Variants in DCDC2C observed in about 807,000 individuals in gnomAD.
DCDC2C encodes the protein doublecortin domain-containing protein 2C.
In DCDC2C, 44 loss-of-function variants were observed where a neutral mutation model predicts 45.0. The ratio of observed to expected loss-of-function variants is 0.98; its 90% CI spans 0.77 to 1.26. DCDC2C has a LOEUF of 1.26. Among genes scored for constraint, DCDC2C ranks in the 50% most tolerant of loss-of-function variants. The pLI is 0.00. For missense variants in DCDC2C, 447 were observed against 468.9 expected (o/e 0.95, Z 0.43); for synonymous variants, 187 against 178.8 (o/e 1.05, Z -0.37).
At chr2:3,778,019 G>A (rs1211241079) in intron 8 of DCDC2C, among the ~76,000 whole-genome samples, 4 of 146,920 alleles carry the variant, frequency 2.7e-5, no homozygotes, top group Non-Finnish European at 6.0e-5. Context: ...GGAGGCGCCA[G>A]GGCCTCCATC....
chr2:3,835,115 T>A (rs1672043826), intron 10 of DCDC2C, among the ~76,000 whole-genome samples: 1 of 152,224 alleles, frequency 6.6e-6, no homozygotes, highest in Non-Finnish European at 1.5e-5. Flanking sequence ...ATGGAAGTGC[T>A]TCTCCACTTG....
rs150940159 is a variant in DCDC2C at position 3,792,765 on chromosome 2, A to G, written c.1065+7665A>G. Among the ~76,000 whole-genome samples, 1,394 of 152,364 alleles carry G rather than the reference A, an allele frequency of 9.1e-3. 22 individuals carry two copies. The highest frequency in any genetic ancestry group is 0.031 in the African/African-American group (1,281 of 41,588). ...ACTTGGTTACCCTAAATTGACAGCCATATTTTGGAGAAAAATGTGTCTTCT... is the reference window on the plus strand; with the variant it reads ...ACTTGGTTACCCTAAATTGACAGCCGTATTTTGGAGAAAAATGTGTCTTCT... On this transcript the variant is annotated intron_variant, in intron 10 of 10. Transcript: ENST00000399143.
chr2:3,798,999 C>G (rs1208558163), intron 10 of DCDC2C, among the ~76,000 whole-genome samples: 2 of 152,238 alleles, frequency 1.3e-5, no homozygotes, highest in Non-Finnish European at 2.9e-5. Flanking sequence ...CCATCACTTT[C>G]AGGTATACCA....
At chr2:3,754,187 T>C (rs1669619341) in intron 5 of DCDC2C, among the ~76,000 whole-genome samples, 1 of 152,212 alleles carries the variant, frequency 6.6e-6, no homozygotes, top group Non-Finnish European at 1.5e-5. Flanking sequence ...CTGAAGTTCA[T>C]GCAGCTTACA....
chr2:3,748,793 C>G (rs1669450201), intron 4 of DCDC2C, among the ~76,000 whole-genome samples: 1 of 152,114 alleles, frequency 6.6e-6, no homozygotes, highest in Non-Finnish European at 1.5e-5. Flanking sequence ...GACTTGTCAT[C>G]TCTCCTCTAG....
intron 10 of DCDC2C, among the ~76,000 whole-genome samples, chr2:3,812,116 C>A (rs1453137540): frequency 6.6e-6 from 1 of 151,972 alleles, no homozygotes; most frequent in Non-Finnish European, 1.5e-5. Context: ...TGGACTCCCT[C>A]ATTTTCAATT....
chr2:3,821,041 C>CA (rs969775051), intron 10 of DCDC2C, among the ~76,000 whole-genome samples: 9 of 151,896 alleles, frequency 5.9e-5, no homozygotes, highest in African/African-American at 1.9e-4. Flanking sequence ...GGGCTGAGTC[C>CA]AAAAAGAGAG....
intron 4 of DCDC2C, among the ~76,000 whole-genome samples, chr2:3,749,738 C>T (rs886874376): frequency 6.6e-6 from 1 of 152,212 alleles, no homozygotes; most frequent in Non-Finnish European, 1.5e-5. Flanking sequence ...TGTCTCCACT[C>T]AGCGGGCATC....
intron 10 of DCDC2C, among the ~76,000 whole-genome samples, chr2:3,793,775 G>A (rs113589192): frequency 0.01 from 1,525 of 152,338 alleles, 19 homozygotes; most frequent in African/African-American, 0.035. Flanking sequence ...AGGTCACTGC[G>A]TCTAGGCTGC....
chr2:3,708,697 A>C (rs1196967042), intron 2 of DCDC2C, 97 bp downstream of exon 2: 2 of 895,866 alleles, frequency 2.2e-6, no homozygotes, highest in South Asian at 3.1e-5. Flanking sequence ...TCACAGAAGC[A>C]GTAAATGCCT....
rs548384857 is a variant in DCDC2C, at chr2:3,719,178, C to T, written c.340-7825C>T. Among the ~76,000 whole-genome samples, 8 of 152,194 alleles carry T rather than the reference C, an allele frequency of 5.3e-5. No homozygotes were observed. In the South Asian group the frequency reaches 6.2e-4, roughly 12 times the overall value. On this transcript the variant is annotated intron_variant, in intron 2 of 10. Transcript: ENST00000399143. ...TTGGCTCACTGCAAGCTCTGGCTCC[C>T]GGGTTCATGCTGTTCTCCTGCCTCA...
At chr2:3,771,871 C>T (rs898850469) in intron 8 of DCDC2C, among the ~76,000 whole-genome samples, 4 of 152,176 alleles carry the variant, frequency 2.6e-5, no homozygotes, top group South Asian at 2.1e-4. Flanking sequence ...AGGGAAGGTG[C>T]GTATATCCGT....
chr2:3,719,380 C>T (rs1668433419), intron 2 of DCDC2C, among the ~76,000 whole-genome samples: 1 of 152,224 alleles, frequency 6.6e-6, no homozygotes, highest in African/African-American at 2.4e-5. Context: ...CCACCGTGCC[C>T]AGCCAGCTGT....
At chr2:3,769,241 T>C in intron 7 of DCDC2C, 70 bp from the exon 8 acceptor site, 1 of 1,456,148 alleles carries the variant, frequency 6.9e-7, no homozygotes, top group Non-Finnish European at 9.4e-7. Flanking sequence ...TGGGTTTGGG[T>C]CAGGAAATAT....
In DCDC2C at chr2:3,778,804, T is replaced by C. The variant is rs1572610529; in HGVS notation, c.955-12T>C. On this transcript the variant is annotated splice_polypyrimidine_tract_variant and intron_variant, in intron 8 of 10. Coordinates refer to ENST00000399143, the MANE Select transcript of DCDC2C (RefSeq NM_001287444.2). ...TAAGTAGTTGATAAAATGTGGTGTA[T>C]TTTCTCCCCAGAGACAAGCTGAGAT... The C allele has an allele frequency of 6.4e-7, 1 of 1,550,546 alleles. No homozygotes were observed. The highest frequency in any genetic ancestry group is 2.4e-5 in the East Asian group (1 of 40,914).
chr2:3,838,321 G>A (rs949791892), intron 10 of DCDC2C, among the ~76,000 whole-genome samples: 5 of 152,076 alleles, frequency 3.3e-5, no homozygotes, highest in Non-Finnish European at 5.9e-5. Flanking sequence ...CAGAATTCCT[G>A]GTAATCGCAG....
At chr2:3,826,903 G>A (rs538403517) in intron 10 of DCDC2C, among the ~76,000 whole-genome samples, 12 of 151,554 alleles carry the variant, frequency 7.9e-5, no homozygotes, top group Admixed American at 3.3e-4. Context: ...CCCTCTCTCC[G>A]TCCCTCCATC....
chr2:3,792,349 G>A (rs1000741120), intron 10 of DCDC2C, among the ~76,000 whole-genome samples: 3 of 152,188 alleles, frequency 2.0e-5, no homozygotes, highest in Non-Finnish European at 2.9e-5. Context: ...TTCTCCACGA[G>A]TGGCCCCTTG....
intron 2 of DCDC2C, among the ~76,000 whole-genome samples, chr2:3,712,278 G>T (rs1048179055): frequency 6.6e-6 from 1 of 152,104 alleles, no homozygotes; most frequent in Non-Finnish European, 1.5e-5. Context: ...ACTCCCAGTG[G>T]CATCACTACT....
Sources: gnomAD v4.1 joint callset for allele counts (sites outside exome capture counted in the v4.1 genomes callset) on GRCh38, gnomAD v4.1.1 for gene constraint, MANE v1.5 for transcripts, NCBI Gene and HGNC (gene_info 2026-07-23, HGNC 2026-07-21) for gene names.